The following ABCC4 variants were observed in gnomAD, a reference collection of about 807,000 sequenced individuals.
ABCC4 encodes the protein ATP-binding cassette sub-family C member 4.
ABCC4 carries 102 observed loss-of-function variants against 168.5 expected under a neutral mutation model. The ratio of observed to expected loss-of-function variants is 0.61; its 90% CI spans 0.52 to 0.71. ABCC4 has a LOEUF of 0.71. Ranked by LOEUF, ABCC4 falls within the 30% of genes least tolerant of loss-of-function variation. ABCC4 has a pLI of 0.00. For synonymous variants in ABCC4, 617 were observed against 590.7 expected (o/e 1.04, Z -0.65); for missense variants, 1,402 against 1,605.8 (o/e 0.87, Z 2.17).
intron 3 of ABCC4, among the ~76,000 whole-genome samples, chr13:95,236,604 A>ACGCG (rs2039780723): frequency 6.1e-5 from 5 of 81,772 alleles, no homozygotes; most frequent in African/African-American, 1.2e-4. Flanking sequence ...GCGTGCGCGC[A>ACGCG]CACACACACA....
chr13:95,108,652 T>A (rs2035092717), intron 20 of ABCC4, among the ~76,000 whole-genome samples: 1 of 149,046 alleles, frequency 6.7e-6, no homozygotes, highest in South Asian at 2.1e-4. Context: ...TTTTTTTTTT[T>A]TTTATTTTAT....
At chr13:95,177,938 C>T in intron 12 of ABCC4, 59 bp downstream of exon 12, 2 of 1,567,628 alleles carry the variant, frequency 1.3e-6, no homozygotes, top group Non-Finnish European at 8.8e-7. Context: ...CCTATGTGCT[C>T]ACCACCACTG....
chr13:95,200,931 A>G lies in ABCC4; in HGVS notation c.1161+5601T>C, dbSNP rs1426429189. On this transcript the variant is annotated intron_variant, in intron 8 of 30. Coordinates refer to ENST00000645237, the MANE Select transcript of ABCC4 (RefSeq NM_005845.5). ...AAAACAAACAAATAAACAAAACAAAACAAAACCTCCAACAATGACTTCAAC... is the reference window on the plus strand; with the variant it reads ...AAAACAAACAAATAAACAAAACAAAGCAAAACCTCCAACAATGACTTCAAC... 1.2e-4 allele frequency among the ~76,000 whole-genome samples: 19 copies of G among 152,288 alleles called. No individual in the cohort carries two copies. The East Asian group carries it at 3.5e-3, about 28-fold the overall frequency.
rs781485056 is a variant in ABCC4, at chr13:95,234,657, C to A, written c.484G>T (p.Ala162Ser). The change falls in exon 4 of 31, where the codon GCT (alanine) becomes TCT (serine). Residue 162 changes from alanine (A) to serine (S), a missense_variant. Physicochemically the swap from Ala to Ser is moderately conservative, Grantham distance 99 (BLOSUM62 1). Around this residue, in one of 3 missense-constraint regions of ABCC4, gnomAD observed 317 missense variants for 345.5 expected, o/e 0.92. Coordinates refer to ENST00000645237, the MANE Select transcript of ABCC4 (RefSeq NM_005845.5). ...HHLYFYHVQC[A>S]GMRLRVAMCH... is the part of the protein sequence containing the mutation. ...ATGGCTACTCGTAACCTCATCCCAGCACACTGAACGTGATAAAAATATAAG... is the reference window on the plus strand; with the variant it reads ...ATGGCTACTCGTAACCTCATCCCAGAACACTGAACGTGATAAAAATATAAG... 11 of 1,613,996 alleles carry A rather than the reference C, an allele frequency of 6.8e-6. No individual in the cohort carries two copies. Among genetic ancestry groups the A allele is most frequent in the Middle Eastern group, 1.6e-4 (1 of 6,084 alleles).
At chr13:95,027,932 C>T (rs4274306) in intron 30 of ABCC4, among the ~76,000 whole-genome samples, 129,724 of 152,168 alleles carry the variant, frequency 0.85, 55,385 homozygotes, top group East Asian at 0.99. Context: ...ACGCCATATA[C>T]AGGAGACACA....
intron 13 of ABCC4, among the ~76,000 whole-genome samples, chr13:95,176,045 T>A (rs949935906): frequency 6.6e-6 from 1 of 151,800 alleles, no homozygotes; most frequent in African/African-American, 2.4e-5. Flanking sequence ...TGAATCCTAC[T>A]CTCAGCCACC....
intron 21 of ABCC4, among the ~76,000 whole-genome samples, chr13:95,080,158 G>A (rs1053952223): frequency 6.6e-6 from 1 of 152,090 alleles, no homozygotes; most frequent in African/African-American, 2.4e-5. Context: ...TAGGATGAAC[G>A]AACATGGGAC....
intron 1 of ABCC4, among the ~76,000 whole-genome samples, chr13:95,290,014 T>C (rs1490697479): frequency 3.9e-5 from 6 of 151,940 alleles, no homozygotes; most frequent in African/African-American, 2.4e-5. Flanking sequence ...GAGAACTGCT[T>C]GAACCCGGGA....
rs561886959 is a variant in ABCC4, at chr13:95,108,592, G to A, written c.2535+7330C>T. 1.3e-3 allele frequency among the ~76,000 whole-genome samples: 195 copies of A among 151,774 alleles called. 1 individual carries two copies. Among genetic ancestry groups the A allele is most frequent in the Middle Eastern group, 6.8e-3 (2 of 292 alleles). ...TTGCTCCTCCTTCACCTTCCACCATGTGAGGCCTCCCCAGCCACATGGAAC... is the reference window on the plus strand; with the variant it reads ...TTGCTCCTCCTTCACCTTCCACCATATGAGGCCTCCCCAGCCACATGGAAC... On this transcript the variant is annotated intron_variant, in intron 20 of 30. Coordinates refer to ENST00000645237, the MANE Select transcript of ABCC4 (RefSeq NM_005845.5).
chr13:95,064,295 TATAC>T (rs1566384874), intron 25 of ABCC4, among the ~76,000 whole-genome samples: 33 of 92,122 alleles, frequency 3.6e-4, no homozygotes, highest in Non-Finnish European at 4.8e-4. Context: ...TATATATATA[TATAC>T]ACACACACAC....
chr13:95,148,288 G>C (rs2036562833), intron 19 of ABCC4, among the ~76,000 whole-genome samples: 1 of 152,110 alleles, frequency 6.6e-6, no homozygotes, highest in African/African-American at 2.4e-5. Context: ...GAAGCAGAAA[G>C]AGTTTAAGTA....
At chr13:95,063,000 T>A in intron 25 of ABCC4, 141 bp from the exon 26 acceptor site, 4 of 984,102 alleles carry the variant, frequency 4.1e-6, no homozygotes, top group Non-Finnish European at 5.8e-6. Flanking sequence ...TTTCCCAACC[T>A]CAGCACTGAT....
chr13:95,266,372 G>A (rs533352281), intron 1 of ABCC4: 2 of 152,574 alleles, frequency 1.3e-5, no homozygotes, highest in South Asian at 4.1e-4. Context: ...ACCAGAAGCT[G>A]GAAGAGGCAA....
chr13:95,100,094 T>C (rs1451294614), intron 20 of ABCC4, among the ~76,000 whole-genome samples: 2 of 152,142 alleles, frequency 1.3e-5, no homozygotes, highest in Non-Finnish European at 2.9e-5. Flanking sequence ...GCCATTTTCC[T>C]CTCCTGGGTA....
chr13:95,049,564 C>T (rs529685290), intron 27 of ABCC4, among the ~76,000 whole-genome samples: 202 of 151,990 alleles, frequency 1.3e-3, no homozygotes, highest in Non-Finnish European at 2.5e-3. Flanking sequence ...TCGCTTGGAC[C>T]CGGGAGGCGG....
chr13:95,280,213 C>T (rs957928074), intron 1 of ABCC4, among the ~76,000 whole-genome samples: 2 of 151,868 alleles, frequency 1.3e-5, no homozygotes, highest in African/African-American at 4.8e-5. Flanking sequence ...ATCAGGAGTT[C>T]GAGACCACCC....
At chr13:95,159,363 A>T (rs61965890) in intron 19 of ABCC4, among the ~76,000 whole-genome samples, 1,610 of 152,074 alleles carry the variant, frequency 0.011, 22 homozygotes, top group Non-Finnish European at 0.014. Flanking sequence ...TGGGGTACTT[A>T]TTTGGGCTTC....
At chr13:95,234,002 T>C (rs2039692926) in intron 4 of ABCC4, among the ~76,000 whole-genome samples, 1 of 152,236 alleles carries the variant, frequency 6.6e-6, no homozygotes, top group South Asian at 2.1e-4. Context: ...AGAAAGCCTG[T>C]ATCCGACGTG....
At chr13:95,022,709 T>C (rs1320139974) in intron 30 of ABCC4, among the ~76,000 whole-genome samples, 2 of 152,198 alleles carry the variant, frequency 1.3e-5, no homozygotes, top group Non-Finnish European at 2.9e-5. Flanking sequence ...TCTGGATCTA[T>C]TTTATAAAAC....
Sources: allele counts gnomAD v4.1 joint callset (sites outside exome capture counted in the v4.1 genomes callset), GRCh38; gene constraint gnomAD v4.1.1; regional missense constraint gnomAD v4.1.1; transcripts MANE v1.5; gene names NCBI Gene and HGNC (gene_info 2026-07-23, HGNC 2026-07-21).